Variants in NWD2 observed in about 807,000 individuals in gnomAD.
NWD2 encodes the protein NACHT and WD repeat domain-containing protein 2.
In NWD2, 37 loss-of-function variants were observed where a neutral mutation model predicts 132.7. The ratio of observed to expected loss-of-function variants is 0.28; its 90% CI spans 0.21 to 0.37. The LOEUF is 0.37. NWD2 is among the 10% of genes least tolerant of loss of function. The probability of loss-of-function intolerance (pLI) is 1.00; values close to 1 mark genes in which losing one functional copy is unlikely to be tolerated. For synonymous variants in NWD2, 705 were observed against 803.0 expected, an observed-to-expected ratio of 0.88 and a Z score of 2.06; for missense variants, 1,592 against 2,122.4, an observed-to-expected ratio of 0.75 and a Z score of 4.91.
chr4:37,390,737 G>A (rs928095569), intron 3 of NWD2, among the ~76,000 whole-genome samples: 3 of 152,156 alleles, frequency 2.0e-5, no homozygotes, highest in Non-Finnish European at 2.9e-5. Flanking sequence ...GATCCAGAGA[G>A]TTTAAATGAC....
intron 5 of NWD2, among the ~76,000 whole-genome samples, chr4:37,437,031 GA>G (rs1318671136): frequency 6.6e-6 from 1 of 151,856 alleles, no homozygotes; most frequent in Non-Finnish European, 1.5e-5. Context: ...TCTCATTACT[GA>G]AAAAATATTA....
At chr4:37,281,804 C>T (rs913301180) in intron 1 of NWD2, among the ~76,000 whole-genome samples, 8 of 151,940 alleles carry the variant, frequency 5.3e-5, no homozygotes, top group Admixed American at 1.3e-4. Context: ...TCTAACATTT[C>T]GATAATCATG....
chr4:37,378,086 A>G (rs1362126729), intron 3 of NWD2, among the ~76,000 whole-genome samples: 4 of 152,108 alleles, frequency 2.6e-5, no homozygotes, highest in Admixed American at 2.6e-4. Flanking sequence ...TAAAAAATGG[A>G]TTTCTAAGCC....
At chr4:37,270,816 G>T (rs992345722) in intron 1 of NWD2, among the ~76,000 whole-genome samples, 1 of 151,636 alleles carries the variant, frequency 6.6e-6, no homozygotes, top group Non-Finnish European at 1.5e-5. Flanking sequence ...TTAGCACAAA[G>T]AAATCTTTTC....
intron 3 of NWD2, among the ~76,000 whole-genome samples, chr4:37,420,612 G>A (rs1711779994): frequency 6.6e-6 from 1 of 152,232 alleles, no homozygotes; most frequent in Non-Finnish European, 1.5e-5. Context: ...GAACCCAGAA[G>A]GTGGAGGTTG....
chr4:37,421,620 T>A (rs1320182570), intron 3 of NWD2, among the ~76,000 whole-genome samples: 3 of 152,230 alleles, frequency 2.0e-5, no homozygotes, highest in East Asian at 3.8e-4. Flanking sequence ...AATTGTTAGC[T>A]CTCAAAGAAA....
In NWD2 at chr4:37,440,783, G is replaced by T. The variant is rs148597837; in HGVS notation, c.1296+1393G>T. On this transcript the variant is annotated intron_variant, in intron 6 of 6. Transcript: ENST00000309447. ...TTTGGAATGTGGTATCTGCTGAGTT[G>T]GCTCTTCAGCCTAAACAGGATGAAA... 1.9e-3 allele frequency among the ~76,000 whole-genome samples: 294 copies of T among 152,168 alleles called. 1 individual carries two copies. Among genetic ancestry groups the T allele is most frequent in the African/African-American group, 6.5e-3 (268 of 41,414 alleles).
In NWD2 at chr4:37,443,398, T is replaced by C. The variant is rs1712537865; in HGVS notation, c.1410T>C (p.Val470=). The C allele has an allele frequency of 6.4e-7, 1 of 1,552,072 alleles. No homozygotes were observed. The highest frequency in any genetic ancestry group is 8.7e-7 in the Non-Finnish European group (1 of 1,147,110). Residue 470 remains valine (V), a synonymous_variant, in exon 7 of 7, where the codon GTT becomes GTC. Coordinates refer to ENST00000309447, the MANE Select transcript of NWD2 (RefSeq NM_001144990.2). This position sits in a 1 kb window ranked among gnomAD's most constrained non-coding sequence, Gnocchi z 4.1. ...ACCTTAGGACTCTCCTTCTAAGTGT[T>C]TGTGAACAATTGGCAGTTAACTACC... is the stretch of plus-strand genomic sequence containing the variant. ...SSDLRTLLLS[V]CEQLAVNYRC...
chr4:37,252,251 G>A (rs1350628177), intron 1 of NWD2, among the ~76,000 whole-genome samples: 2 of 152,172 alleles, frequency 1.3e-5, no homozygotes, highest in African/African-American at 4.8e-5. Flanking sequence ...GTCTTGAGGT[G>A]ATATTATTGT....
rs201574044 is a variant in NWD2 at position 37,370,265 on chromosome 4, C to CACTT, written c.357+13784_357+13787dup. 3.4e-3 allele frequency among the ~76,000 whole-genome samples: 515 copies of CACTT among 152,268 alleles called. 2 individuals are homozygous for CACTT. Among genetic ancestry groups the CACTT allele is most frequent in the African/African-American group, 0.012 (491 of 41,558 alleles). On this transcript the variant is annotated intron_variant, in intron 3 of 6. Transcript: ENST00000309447. ...TTATTTCTGCTTAGTTCAGCATTTA[C>CACTT]ACTTGCCTATTGTTATACAAAAATA...
chr4:37,426,760 A>G (rs1317126700), intron 3 of NWD2, among the ~76,000 whole-genome samples: 1 of 152,138 alleles, frequency 6.6e-6, no homozygotes, highest in Non-Finnish European at 1.5e-5. Context: ...GAATGGACCT[A>G]GCAACCTACA....
chr4:37,425,904 C>T (rs185317933), intron 3 of NWD2, among the ~76,000 whole-genome samples: 1 of 152,278 alleles, frequency 6.6e-6, no homozygotes, highest in East Asian at 1.9e-4. Flanking sequence ...GCAGATCTAA[C>T]GAATAGTCTA....
intron 2 of NWD2, among the ~76,000 whole-genome samples, chr4:37,335,994 T>TA (rs1414519271): frequency 6.6e-6 from 1 of 151,730 alleles, no homozygotes; most frequent in Non-Finnish European, 1.5e-5. Flanking sequence ...GCCACATAAG[T>TA]AATATTAGAT....
At position 37,430,716 on chromosome 4, in the gene NWD2, G is replaced by C; in HGVS notation, c.502G>C (p.Val168Leu). ...GTGGTACTGTCGAGATGAGAACTCG[G>C]TGCCAGCAGCCTATTACCTCAGACC... ...EEWYCRDENSVPAAYYLRPKS... is the reference protein window; with the variant it reads ...EEWYCRDENSLPAAYYLRPKS... The change falls in exon 4 of 7, where the codon GTG becomes CTG. Residue 168 changes from valine to leucine, a missense_variant. By Grantham distance (32) the Val-to-Leu change is conservative. This residue lies in a region of NWD2 where 144 missense variants were observed against 185.7 expected (regional missense o/e 0.78). Transcript: ENST00000309447. 6.4e-7 allele frequency: 1 copy of C among 1,551,652 alleles called. No homozygotes were observed. Among genetic ancestry groups the C allele is most frequent in the Non-Finnish European group, 8.7e-7 (1 of 1,146,856 alleles).
At chr4:37,385,335 A>C (rs557557946) in intron 3 of NWD2, among the ~76,000 whole-genome samples, 1 of 152,272 alleles carries the variant, frequency 6.6e-6, no homozygotes, top group Admixed American at 6.5e-5. Context: ...CAACTTAAAA[A>C]ATCATCTTTT....
At chr4:37,306,808 G>T (rs1487918468) in intron 1 of NWD2, among the ~76,000 whole-genome samples, 5 of 152,124 alleles carry the variant, frequency 3.3e-5, no homozygotes, top group African/African-American at 4.8e-5. Context: ...GGATCACACG[G>T]TCAGGAGAGT....
At chr4:37,298,287 A>T (rs1031923047) in intron 1 of NWD2, among the ~76,000 whole-genome samples, 3 of 152,110 alleles carry the variant, frequency 2.0e-5, no homozygotes, top group Admixed American at 2.0e-4. Flanking sequence ...CTTGTTTGTG[A>T]TTTGGGCAGT....
chr4:37,287,238 G>T (rs1276134359), intron 1 of NWD2, among the ~76,000 whole-genome samples: 1 of 152,212 alleles, frequency 6.6e-6, no homozygotes, highest in Non-Finnish European at 1.5e-5. Context: ...ATTCTCAACA[G>T]CCTCTCAGCT....
At chr4:37,262,356 C>CAGTAT (rs1717656627) in intron 1 of NWD2, among the ~76,000 whole-genome samples, 1 of 152,180 alleles carries the variant, frequency 6.6e-6, no homozygotes, top group East Asian at 1.9e-4. Context: ...TTCCCACCAA[C>CAGTAT]AGTATACAGC....
Sources: allele counts gnomAD v4.1 joint callset (sites outside exome capture counted in the v4.1 genomes callset), GRCh38; gene constraint gnomAD v4.1.1; regional missense constraint gnomAD v4.1.1; non-coding constraint Gnocchi (gnomAD v3.1); transcripts MANE v1.5; gene names NCBI Gene and HGNC (gene_info 2026-07-23, HGNC 2026-07-21).